Variants in AHCTF1 observed in about 807,000 individuals in gnomAD.
The protein encoded by AHCTF1 is protein ELYS.
AHCTF1 carries 24 observed loss-of-function variants against 248.4 expected under a neutral mutation model. The ratio of observed to expected loss-of-function variants is 0.10; its 90% confidence interval spans 0.07 to 0.14. The LOEUF (loss-of-function observed/expected upper bound fraction) is 0.14. AHCTF1 is among the 10% of genes least tolerant of loss of function. AHCTF1 has a pLI of 1.00. For missense variants in AHCTF1, 2,206 were observed against 2,636.2 expected (o/e 0.84, Z 3.57); for synonymous variants, 786 against 929.8 (o/e 0.85, Z 2.81).
At chr1:246,885,976 C>CAG (rs919535332) in intron 20 of AHCTF1, among the ~76,000 whole-genome samples, 2 of 152,138 alleles carry the variant, frequency 1.3e-5, no homozygotes, top group African/African-American at 4.8e-5. Context: ...TGCTTGAGCT[C>CAG]AGGAGTTCAA....
intron 19 of AHCTF1, 50 bp from the exon 20 acceptor site, chr1:246,887,407 T>C (rs1663896987): frequency 2.0e-6 from 3 of 1,528,322 alleles, no homozygotes; most frequent in South Asian, 1.2e-5. Context: ...AAAAACCTCC[T>C]ACGTATATAT....
rs1393433841 is a variant in AHCTF1, at chr1:246,931,903, G to A, written c.-333C>T. 1 of 152,734 alleles carries A rather than the reference G, an allele frequency of 6.5e-6. No individual in the cohort carries two copies. The highest frequency in any genetic ancestry group is 2.4e-5 in the African/African-American group (1 of 41,456). The allele number at this position is 152,734 out of a possible 1,614,324, so 9.5% of individuals were successfully genotyped here. ...CTTGCAACGCTGCCTGCTCGCCTCG[G>A]ACAGCGCCGGCCCCGCTCTGCGCAT... On this transcript the variant is annotated 5_prime_UTR_variant, in exon 1 of 36. Coordinates refer to ENST00000648844, the MANE Select transcript of AHCTF1 (RefSeq NM_001323342.2).
At chr1:246,918,446 C>A in intron 1 of AHCTF1, 69 bp from the exon 2 acceptor site, 3 of 1,367,592 alleles carry the variant, frequency 2.2e-6, no homozygotes, top group African/African-American at 1.5e-5. Flanking sequence ...TTATGTCCAG[C>A]CAGGAAAAAC....
chr1:246,894,359 TC>T (rs1407140811), intron 14 of AHCTF1, among the ~76,000 whole-genome samples: 1 of 152,052 alleles, frequency 6.6e-6, no homozygotes, highest in Admixed American at 6.6e-5. Context: ...GATCACAACG[TC>T]AGGAGATCGA....
At chr1:246,913,498 T>C in intron 3 of AHCTF1, 86 bp from the exon 4 acceptor site, 1 of 1,310,872 alleles carries the variant, frequency 7.6e-7, no homozygotes. Flanking sequence ...AAGCAGGTTA[T>C]CAGTTATAAT....
chr1:246,867,902 CACACACACA>C (rs1662119053), intron 24 of AHCTF1, 91 bp from the exon 25 acceptor site: 3 of 260,302 alleles, frequency 1.2e-5, no homozygotes, highest in Admixed American at 1.0e-4. Context: ...CCCCCCCCCC[CACACACACA>C]CACACACACA....
chr1:246,849,579 G>A lies in AHCTF1; in HGVS notation c.6391+36C>T, dbSNP rs1660540236. On this transcript the variant is annotated intron_variant, in intron 33 of 35. Coordinates refer to ENST00000648844, the MANE Select transcript of AHCTF1 (RefSeq NM_001323342.2). ...CCAAATTTTAAGCTGAAGAGTGACT[G>A]AGATGAAAAACTGTTTTGCAGAGAA... 1.9e-6 allele frequency: 3 copies of A among 1,557,092 alleles called. No homozygotes were observed. In the East Asian group the frequency reaches 6.8e-5, roughly 35 times the overall value.
chr1:246,929,741 G>GTTT (rs1667193627), intron 1 of AHCTF1, among the ~76,000 whole-genome samples: 1 of 152,218 alleles, frequency 6.6e-6, no homozygotes, highest in South Asian at 2.1e-4. Flanking sequence ...AAGACACAAC[G>GTTT]TTTTGCTTCC....
At chr1:246,863,451 G>A (rs1336339506) in intron 27 of AHCTF1, among the ~76,000 whole-genome samples, 1 of 152,084 alleles carries the variant, frequency 6.6e-6, no homozygotes, top group Admixed American at 6.5e-5. Context: ...GTTGAGTGCT[G>A]TGATTTCTCA....
chr1:246,922,011 T>C (rs1666578686), intron 1 of AHCTF1, among the ~76,000 whole-genome samples: 1 of 152,186 alleles, frequency 6.6e-6, no homozygotes, highest in Non-Finnish European at 1.5e-5. Flanking sequence ...TCTTACTGCC[T>C]GAGAGAATAA....
chr1:246,903,512 T>C (rs774822433), intron 7 of AHCTF1, among the ~76,000 whole-genome samples: 3 of 152,088 alleles, frequency 2.0e-5, no homozygotes, highest in Non-Finnish European at 4.4e-5. Flanking sequence ...ACATTATGAA[T>C]ACAATATTAA....
chr1:246,873,943 T>TC (rs980430528), intron 24 of AHCTF1, among the ~76,000 whole-genome samples: 1 of 152,114 alleles, frequency 6.6e-6, no homozygotes, highest in African/African-American at 2.4e-5. Context: ...AGGATATTCG[T>TC]CCAACACAGA....
Position 246,861,300 on chromosome 1 carries a change from A to G in AHCTF1, c.3736-5T>C. 1 of 1,594,936 alleles carries G rather than the reference A, an allele frequency of 6.3e-7. No individual in the cohort carries two copies. The highest frequency in any genetic ancestry group is 1.1e-5 in the South Asian group (1 of 88,802). ...TAATTTGCTATCATCTGCAGCCTGT[A>G]AAGTAAGATTTTGAAAAGAAAAAAA... On this transcript the variant is annotated splice_polypyrimidine_tract_variant and splice_region_variant and intron_variant, in intron 28 of 35. Transcript: ENST00000648844.
At chr1:246,862,864 C>T (rs866697213) in intron 27 of AHCTF1, among the ~76,000 whole-genome samples, 1 of 152,110 alleles carries the variant, frequency 6.6e-6, no homozygotes, top group African/African-American at 2.4e-5. Context: ...CTGAAGATTT[C>T]GTATAATGAA....
intron 33 of AHCTF1, among the ~76,000 whole-genome samples, chr1:246,846,831 A>G (rs1196045482): frequency 6.6e-6 from 1 of 151,998 alleles, no homozygotes; most frequent in Non-Finnish European, 1.5e-5. Context: ...GGCTCACTGC[A>G]ACCTCAACCT....
intron 14 of AHCTF1, among the ~76,000 whole-genome samples, chr1:246,893,548 T>C (rs1664362642): frequency 6.6e-6 from 1 of 152,230 alleles, no homozygotes; most frequent in South Asian, 2.1e-4. Context: ...TAACTGGACA[T>C]GATAGTTTTT....
At chr1:246,867,986 C>T (rs148319631) in intron 24 of AHCTF1, among the ~76,000 whole-genome samples, 175 bp from the exon 25 acceptor site, 111 of 142,298 alleles carry the variant, frequency 7.8e-4, no homozygotes, top group African/African-American at 2.8e-3. Flanking sequence ...TTCTTTTAGA[C>T]CAGTCTTGCT....
At chr1:246,853,355 CAAGG>C in intron 31 of AHCTF1, 56 bp from the exon 32 acceptor site, 1 of 1,416,710 alleles carries the variant, frequency 7.1e-7, no homozygotes, top group Non-Finnish European at 9.7e-7. Context: ...AATCCACACA[CAAGG>C]AAGCAAACAG....
rs1659783363 is a variant in AHCTF1 at position 246,840,538 on chromosome 1, C to T, written c.*268G>A. 1 of 185,570 alleles carries T rather than the reference C, an allele frequency of 5.4e-6. No homozygotes were observed. Among genetic ancestry groups the T allele is most frequent in the Non-Finnish European group, 1.1e-5 (1 of 90,778 alleles). 11.5% of individuals were successfully genotyped at this position (185,570 alleles called of 1,614,324 possible). A position where few individuals can be genotyped will look rare whatever the true frequency, so the allele number is the denominator to read the frequency against. On this transcript the variant is annotated 3_prime_UTR_variant, in exon 36 of 36. Transcript: ENST00000648844. ...CCCTTTCAAAAATCCAAGACACAAA[C>T]GACTGTGAAGTATACATTTTATTTA...
Sources: gnomAD v4.1 joint callset for allele counts (sites outside exome capture counted in the v4.1 genomes callset) on GRCh38, gnomAD v4.1.1 for gene constraint, MANE v1.5 for transcripts, NCBI Gene and HGNC (gene_info 2026-07-23, HGNC 2026-07-21) for gene names.